XRCC4: variants seen among roughly 807,000 people sequenced by gnomAD.
XRCC4 encodes the protein X-ray repair cross complementing 4.
XRCC4 carries 28 observed loss-of-function variants against 39.1 expected under a neutral mutation model. The ratio of observed to expected loss-of-function variants is 0.72; its 90% CI spans 0.53 to 0.98. The LOEUF (loss-of-function observed/expected upper bound fraction) is 0.98. XRCC4 is among the 50% of genes least tolerant of loss of function. The probability of loss-of-function intolerance (pLI) is 0.00; values close to 1 mark genes in which losing one functional copy is unlikely to be tolerated. For synonymous variants in XRCC4, 123 were observed against 126.4 expected (o/e 0.97, Z 0.18); for missense variants, 350 against 376.4 (o/e 0.93, Z 0.58).
chr5:83,246,571 G>T (rs1234342833), intron 6 of XRCC4, among the ~76,000 whole-genome samples: 7 of 151,744 alleles, frequency 4.6e-5, no homozygotes, highest in Admixed American at 1.3e-4. Flanking sequence ...ATAATTTTTG[G>T]GGCATCTAAT....
the XRCC4 span, among the ~76,000 whole-genome samples, chr5:83,367,025 A>G: frequency 6.6e-6 from 1 of 152,092 alleles, no homozygotes; most frequent in African/African-American, 2.4e-5. Context: ...TAGAACAGGG[A>G]TTTAGTCTGT....
At chr5:83,189,167 T>C (rs1010749131) in intron 3 of XRCC4, among the ~76,000 whole-genome samples, 1 of 152,214 alleles carries the variant, frequency 6.6e-6, no homozygotes, top group East Asian at 1.9e-4. Flanking sequence ...ATATTGTCCA[T>C]GAACCAAAAG....
chr5:83,373,348 G>A, the XRCC4 span, among the ~76,000 whole-genome samples: 1 of 152,022 alleles, frequency 6.6e-6, no homozygotes, highest in Admixed American at 6.6e-5. Context: ...CTCACCATAA[G>A]AGAATAAATA....
At chr5:83,107,073 T>C (rs191664834) in intron 2 of XRCC4, among the ~76,000 whole-genome samples, 5 of 152,152 alleles carry the variant, frequency 3.3e-5, no homozygotes, top group African/African-American at 1.2e-4. Context: ...CCATTTTGGT[T>C]TCCTGTACCA....
At chr5:83,225,639 A>T in intron 6 of XRCC4, among the ~76,000 whole-genome samples, 1 of 143,036 alleles carries the variant, frequency 7.0e-6, no homozygotes, top group Non-Finnish European at 1.5e-5. Context: ...ATAGGCCTGG[A>T]TTTATCTCTG....
intron 3 of XRCC4, among the ~76,000 whole-genome samples, chr5:83,151,664 G>A (rs577479361): frequency 3.3e-5 from 5 of 152,144 alleles, no homozygotes; most frequent in Admixed American, 6.5e-5. Flanking sequence ...ATAAATAAAT[G>A]AATAAATATC....
chr5:83,204,508 GA>G (rs1278180990), intron 5 of XRCC4, among the ~76,000 whole-genome samples: 3 of 152,018 alleles, frequency 2.0e-5, no homozygotes, highest in African/African-American at 7.2e-5. Context: ...AATACTCTGT[GA>G]CTCACAGAGA....
At chr5:83,131,961 G>GT (rs1747612540) in intron 3 of XRCC4, among the ~76,000 whole-genome samples, 1 of 152,122 alleles carries the variant, frequency 6.6e-6, no homozygotes, top group East Asian at 1.9e-4. Flanking sequence ...AGTTGATGCA[G>GT]TTTCTTCTTA....
chr5:83,189,838 G>A (rs1750614726), intron 3 of XRCC4, among the ~76,000 whole-genome samples: 1 of 152,130 alleles, frequency 6.6e-6, no homozygotes, highest in Non-Finnish European at 1.5e-5. Context: ...GCCAAGGCAG[G>A]CATATCAATT....
At chr5:83,217,013 A>T (rs1247511782) in intron 6 of XRCC4, among the ~76,000 whole-genome samples, 3 of 151,686 alleles carry the variant, frequency 2.0e-5, no homozygotes, top group Non-Finnish European at 4.4e-5. Context: ...AAAAAAAAAT[A>T]AGCATTTGAT....
At chr5:83,153,652 T>A (rs1748824128) in intron 3 of XRCC4, among the ~76,000 whole-genome samples, 1 of 152,192 alleles carries the variant, frequency 6.6e-6, no homozygotes, top group African/African-American at 2.4e-5. Flanking sequence ...CTGGCAAGGA[T>A]GCCAAAAAAC....
intron 6 of XRCC4, among the ~76,000 whole-genome samples, chr5:83,207,026 A>T (rs1751448528): frequency 6.6e-6 from 1 of 152,170 alleles, no homozygotes; most frequent in Admixed American, 6.6e-5. Context: ...TTGGGAATGA[A>T]ATTTCTTTTC....
chr5:83,344,380 A>G lies in XRCC4; in HGVS notation c.894-8751A>G, dbSNP rs114852104. 1.9e-3 allele frequency among the ~76,000 whole-genome samples: 273 copies of G among 146,012 alleles called. 3 individuals are homozygous for G. The Middle Eastern group carries it at 0.045, about 24-fold the overall frequency. ...GCCTCTTGAGTAGCTAGCACTACAG[A>G]TGTGTACCACCACACCCAGCTAATT... On this transcript the variant is annotated intron_variant, in intron 7 of 7. Transcript: ENST00000396027.
intron 3 of XRCC4, among the ~76,000 whole-genome samples, chr5:83,120,112 A>C (rs1008882861): frequency 3.3e-5 from 5 of 152,154 alleles, no homozygotes; most frequent in African/African-American, 1.2e-4. Context: ...TCAATTTAAC[A>C]ATATTAATAT....
intron 1 of XRCC4, among the ~76,000 whole-genome samples, chr5:83,079,389 T>C (rs1250295573): frequency 6.6e-6 from 1 of 152,186 alleles, no homozygotes; most frequent in Admixed American, 6.5e-5. Flanking sequence ...ATAAACCCCC[T>C]ACTTTTTGGT....
At chr5:83,159,740 T>C (rs1749118796) in intron 3 of XRCC4, among the ~76,000 whole-genome samples, 1 of 152,164 alleles carries the variant, frequency 6.6e-6, no homozygotes. Flanking sequence ...ATCTCTTAGC[T>C]CAATGCATTG....
intron 6 of XRCC4, among the ~76,000 whole-genome samples, chr5:83,207,196 G>T (rs1054806508): frequency 1.3e-5 from 2 of 152,078 alleles, no homozygotes; most frequent in African/African-American, 4.8e-5. Flanking sequence ...TTGTTTCTTA[G>T]TCAGAGTATC....
chr5:83,147,772 G>A (rs376174593), intron 3 of XRCC4, among the ~76,000 whole-genome samples: 2 of 150,474 alleles, frequency 1.3e-5, no homozygotes, highest in African/African-American at 2.5e-5. Context: ...TAGCCATTGC[G>A]CAATGTATAT....
At chr5:83,311,839 A>G (rs1282233167) in intron 7 of XRCC4, among the ~76,000 whole-genome samples, 1 of 152,084 alleles carries the variant, frequency 6.6e-6, no homozygotes, top group African/African-American at 2.4e-5. Context: ...AATAAAGGCT[A>G]TTTATTAAAT....
Sources: allele counts gnomAD v4.1 joint callset (sites outside exome capture counted in the v4.1 genomes callset), GRCh38; gene constraint gnomAD v4.1.1; transcripts MANE v1.5; gene names NCBI Gene and HGNC (gene_info 2026-07-23, HGNC 2026-07-21).